Variants in SVOPL observed in about 807,000 individuals in gnomAD.
SVOPL encodes putative transporter SVOPL.
SVOPL carries 60 observed loss-of-function variants against 61.0 expected under a neutral mutation model. The ratio of observed to expected loss-of-function variants is 0.98; its 90% CI spans 0.80 to 1.22. The LOEUF (loss-of-function observed/expected upper bound fraction) is 1.22. Among genes scored for constraint, SVOPL ranks in the 50% most tolerant of loss-of-function variants. SVOPL has a pLI of 0.00. For missense variants in SVOPL, 662 were observed against 643.9 expected, an observed-to-expected ratio of 1.03 and a Z score of -0.30; for synonymous variants, 279 against 250.0, an observed-to-expected ratio of 1.12 and a Z score of -1.09.
intron 14 of SVOPL, among the ~76,000 whole-genome samples, chr7:138,613,816 C>G (rs1018061046): frequency 6.6e-6 from 1 of 152,150 alleles, no homozygotes; most frequent in Non-Finnish European, 1.5e-5. Flanking sequence ...TCAAAAAACC[C>G]AAGGCCCTGA....
At chr7:138,657,607 C>G (rs531248239) in intron 6 of SVOPL, among the ~76,000 whole-genome samples, 2 of 152,172 alleles carry the variant, frequency 1.3e-5, no homozygotes, top group Non-Finnish European at 2.9e-5. Flanking sequence ...TTTCTAATTG[C>G]TCTTCTCTGT....
chr7:138,616,914 G>A (rs746023761), intron 14 of SVOPL, among the ~76,000 whole-genome samples: 8 of 152,168 alleles, frequency 5.3e-5, no homozygotes, highest in Non-Finnish European at 8.8e-5. Context: ...AGCCTCCTGA[G>A]TAGCTGGGAC....
At chr7:138,636,900 A>G (rs1390887257) in intron 9 of SVOPL, among the ~76,000 whole-genome samples, 1 of 152,178 alleles carries the variant, frequency 6.6e-6, no homozygotes, top group East Asian at 1.9e-4. Context: ...ATTCTGAAAA[A>G]GATGTTTGAC....
intron 7 of SVOPL, among the ~76,000 whole-genome samples, chr7:138,652,862 G>T (rs1801510175): frequency 6.6e-6 from 1 of 152,142 alleles, no homozygotes; most frequent in African/African-American, 2.4e-5. Flanking sequence ...CTGACCTCAG[G>T]TGATCCTCCC....
At chr7:138,610,834 G>A (rs1381052486) in intron 14 of SVOPL, among the ~76,000 whole-genome samples, 1 of 152,200 alleles carries the variant, frequency 6.6e-6, no homozygotes, top group Non-Finnish European at 1.5e-5. Context: ...TGAAGATAGG[G>A]CCCCAGGTTC....
chr7:138,630,005 A>G (rs1294026290), intron 10 of SVOPL, 44 bp downstream of exon 10: 1 of 1,524,042 alleles, frequency 6.6e-7, no homozygotes, highest in Non-Finnish European at 9.1e-7. Flanking sequence ...GCTTCCTCCC[A>G]ATGCCTCTAT....
rs901714833 is a variant in SVOPL at position 138,662,848 on chromosome 7, C to T, written c.345+226G>A. 11 of 1,393,740 alleles carry T rather than the reference C, an allele frequency of 7.9e-6. 1 individual carries two copies. Among genetic ancestry groups the T allele is most frequent in the East Asian group, 2.7e-5 (1 of 37,440 alleles). 86.3% of individuals were successfully genotyped at this position (1,393,740 alleles called of 1,614,324 possible). A position where few individuals can be genotyped will look rare whatever the true frequency, so the allele number is the denominator to read the frequency against. On this transcript the variant is annotated intron_variant, in intron 5 of 15. Coordinates refer to ENST00000674285, the MANE Select transcript of SVOPL (RefSeq NM_001139456.2). ...TTAGAACTCTATAATACCCGCATCT[C>T]CTTTTACTCCACACCTGGACTGCAG... is the stretch of plus-strand genomic sequence containing the variant.
intron 9 of SVOPL, among the ~76,000 whole-genome samples, chr7:138,644,192 T>A (rs1344097661): frequency 1.3e-5 from 1 of 77,330 alleles, no homozygotes; most frequent in African/African-American, 5.6e-5. Flanking sequence ...AGAGCAAGAC[T>A]CCATCAAAAA....
chr7:138,641,875 GTATA>G (rs1171521600), intron 9 of SVOPL, among the ~76,000 whole-genome samples: 4 of 137,846 alleles, frequency 2.9e-5, no homozygotes, highest in African/African-American at 1.1e-4. Flanking sequence ...GAGTGTGTAT[GTATA>G]TATAGTCAAT....
chr7:138,638,861 A>G (rs1800634458), intron 9 of SVOPL, among the ~76,000 whole-genome samples: 1 of 152,228 alleles, frequency 6.6e-6, no homozygotes, highest in Admixed American at 6.5e-5. Context: ...GGCAAACTCA[A>G]TCTAATAGAA....
At chr7:138,595,485 G>A (rs1798242117) in intron 15 of SVOPL, among the ~76,000 whole-genome samples, 1 of 152,134 alleles carries the variant, frequency 6.6e-6, no homozygotes, top group East Asian at 1.9e-4. Flanking sequence ...CAACAGAAGA[G>A]GAAAAGCCTT....
intron 7 of SVOPL, among the ~76,000 whole-genome samples, chr7:138,654,784 G>A (rs1801629222): frequency 6.6e-6 from 1 of 151,462 alleles, no homozygotes; most frequent in Admixed American, 6.6e-5. Flanking sequence ...ATAGCCATGA[G>A]TTTCAGAAAA....
chr7:138,604,445 G>A (rs567475633), intron 14 of SVOPL, among the ~76,000 whole-genome samples: 18 of 152,132 alleles, frequency 1.2e-4, no homozygotes, highest in African/African-American at 2.2e-4. Flanking sequence ...AGGCCAAGGC[G>A]GGAGGATCAC....
intron 1 of SVOPL, among the ~76,000 whole-genome samples, chr7:138,692,591 CATGAT>C (rs1394368973): frequency 6.6e-6 from 1 of 151,884 alleles, no homozygotes; most frequent in Non-Finnish European, 1.5e-5. Flanking sequence ...ATTTTGTTTC[CATGAT>C]ATGAAGAAAA....
At chr7:138,651,390 A>G (rs1801425320) in intron 7 of SVOPL, among the ~76,000 whole-genome samples, 1 of 152,210 alleles carries the variant, frequency 6.6e-6, no homozygotes, top group East Asian at 1.9e-4. Context: ...ACAGTGTATC[A>G]ACCGAAGAAC....
At chr7:138,594,755 A>AC (rs2116718314) in intron 15 of SVOPL, 134 bp from the exon 16 acceptor site, 2 of 566,006 alleles carry the variant, frequency 3.5e-6, no homozygotes, top group East Asian at 6.2e-5. Flanking sequence ...CCTAGCATTT[A>AC]CCTTTGTGTA....
chr7:138,632,518 G>C (rs1183349712), intron 9 of SVOPL, among the ~76,000 whole-genome samples: 1 of 152,118 alleles, frequency 6.6e-6, no homozygotes, highest in East Asian at 1.9e-4. Context: ...GCTTGAGAAG[G>C]AAAGTGGGGA....
intron 14 of SVOPL, among the ~76,000 whole-genome samples, chr7:138,603,182 T>C (rs1169200195): frequency 6.6e-6 from 1 of 152,122 alleles, no homozygotes; most frequent in Non-Finnish European, 1.5e-5. Context: ...TTACAGATAA[T>C]TTTCCCTTAT....
chr7:138,638,309 AAC>A (rs1265232527), intron 9 of SVOPL, among the ~76,000 whole-genome samples: 7 of 151,862 alleles, frequency 4.6e-5, no homozygotes, highest in African/African-American at 1.7e-4. Flanking sequence ...AAACCAAATT[AAC>A]ACAATAGAAA....
Sources: gnomAD v4.1 joint callset for allele counts (sites outside exome capture counted in the v4.1 genomes callset) on GRCh38, gnomAD v4.1.1 for gene constraint, MANE v1.5 for transcripts, NCBI Gene and HGNC (gene_info 2026-07-23, HGNC 2026-07-21) for gene names.